CCDC60: variants seen among roughly 807,000 people sequenced by gnomAD.
CCDC60 encodes the protein coiled-coil domain containing 60, also known as coiled-coil domain-containing protein 60.
Under a neutral mutation model 63.5 loss-of-function variants are expected in CCDC60, and 54 were observed. That is an observed-to-expected ratio of 0.85 (90% CI 0.68 to 1.07). CCDC60 has a LOEUF of 1.07. CCDC60 is among the 50% of genes least tolerant of loss of function. The probability of loss-of-function intolerance (pLI) is 0.00; values close to 1 mark genes in which losing one functional copy is unlikely to be tolerated. For synonymous variants in CCDC60, 206 were observed against 238.8 expected, an observed-to-expected ratio of 0.86 and a Z score of 1.27; for missense variants, 651 against 684.3, an observed-to-expected ratio of 0.95 and a Z score of 0.54.
chr12:119,381,583 G>A (rs1391754671), intron 1 of CCDC60, among the ~76,000 whole-genome samples: 1 of 152,198 alleles, frequency 6.6e-6, no homozygotes, highest in Non-Finnish European at 1.5e-5. Context: ...AGTAATCACT[G>A]CTCCCTACTG....
chr12:119,480,075 A>G (rs17404345), intron 4 of CCDC60, among the ~76,000 whole-genome samples: 6,031 of 151,444 alleles, frequency 0.04, 162 homozygotes, highest in Non-Finnish European at 0.06. Context: ...CTTTAGGGCA[A>G]TGGATTCATT....
chr12:119,360,741 G>A (rs1313314014), intron 1 of CCDC60, among the ~76,000 whole-genome samples: 30 of 152,102 alleles, frequency 2.0e-4, no homozygotes, highest in African/African-American at 6.8e-4. Flanking sequence ...GATGGCAGCC[G>A]GGCAGAGGCT....
At chr12:119,523,894 G>A in intron 11 of CCDC60, 76 bp downstream of exon 11, 3 of 1,480,808 alleles carry the variant, frequency 2.0e-6, no homozygotes, top group Non-Finnish European at 2.8e-6. Context: ...GGTGCCAGGT[G>A]CTGGGGCTAT....
chr12:119,518,919 T>C (rs370747360), intron 8 of CCDC60, among the ~76,000 whole-genome samples: 1 of 152,190 alleles, frequency 6.6e-6, no homozygotes, highest in Non-Finnish European at 1.5e-5. Context: ...TCACATGGCC[T>C]CTGCTTTCAA....
At chr12:119,480,829 A>AT (rs1951295471) in intron 4 of CCDC60, among the ~76,000 whole-genome samples, 2 of 150,268 alleles carry the variant, frequency 1.3e-5, no homozygotes, top group African/African-American at 4.9e-5. Context: ...CACCATCATC[A>AT]CCACCATCAT....
At chr12:119,520,091 C>A (rs755414516) in intron 8 of CCDC60, 30 bp from the exon 9 acceptor site, 1 of 1,601,012 alleles carries the variant, frequency 6.2e-7, no homozygotes, top group Non-Finnish European at 8.5e-7. Context: ...GAATTCAGCG[C>A]CTTGTTAAAG....
At chr12:119,357,897 C>A (rs1377136757) in intron 1 of CCDC60, among the ~76,000 whole-genome samples, 5 of 152,234 alleles carry the variant, frequency 3.3e-5, no homozygotes, top group Admixed American at 6.5e-5. Context: ...GTGCAGGAAG[C>A]ATTATGCTGG....
At chr12:119,472,187 G>A in intron 3 of CCDC60, 23 bp downstream of exon 3, 1 of 1,609,736 alleles carries the variant, frequency 6.2e-7, no homozygotes, top group Non-Finnish European at 8.5e-7. Flanking sequence ...AGTAGCTGTG[G>A]CACTGAAGGT....
chr12:119,519,590 G>C (rs1284687531), intron 8 of CCDC60, among the ~76,000 whole-genome samples: 1 of 151,398 alleles, frequency 6.6e-6, no homozygotes, highest in Non-Finnish European at 1.5e-5. Flanking sequence ...AGCCTCCCGA[G>C]TAGGTGGGAT....
chr12:119,419,932 A>G (rs1327493774), intron 1 of CCDC60, among the ~76,000 whole-genome samples: 1 of 135,128 alleles, frequency 7.4e-6, no homozygotes, highest in African/African-American at 2.8e-5. Flanking sequence ...GCTGGAGTGC[A>G]GTGGCACGAT....
intron 1 of CCDC60, among the ~76,000 whole-genome samples, chr12:119,416,328 G>A (rs1475822752): frequency 1.3e-5 from 2 of 151,238 alleles, no homozygotes; most frequent in Admixed American, 6.6e-5. Context: ...ACAGTGAGCC[G>A]AGATCACACC....
intron 1 of CCDC60, among the ~76,000 whole-genome samples, chr12:119,406,198 TATATATAGAGAG>T (rs1956487525): frequency 7.2e-6 from 1 of 138,794 alleles, no homozygotes; most frequent in Non-Finnish European, 1.6e-5. Flanking sequence ...TATAGATATA[TATATATAGAGAG>T]AGAGAGAGAG....
At chr12:119,431,164 G>A (rs1477262982) in intron 2 of CCDC60, among the ~76,000 whole-genome samples, 1 of 152,212 alleles carries the variant, frequency 6.6e-6, no homozygotes, top group Non-Finnish European at 1.5e-5. Flanking sequence ...TATCAAGACA[G>A]GGGAATTGCA....
At chr12:119,389,854 C>G (rs75574670) in intron 1 of CCDC60, among the ~76,000 whole-genome samples, 123 of 152,156 alleles carry the variant, frequency 8.1e-4, no homozygotes, top group African/African-American at 2.9e-3. Context: ...CACACATTAC[C>G]ATTAGTGGCT....
At chr12:119,489,868 G>A (rs1951543725) in intron 5 of CCDC60, among the ~76,000 whole-genome samples, 1 of 151,676 alleles carries the variant, frequency 6.6e-6, no homozygotes, top group Non-Finnish European at 1.5e-5. Flanking sequence ...CGCAATCTCG[G>A]CTCACTGCAA....
chr12:119,531,417 TC>T (rs1293587925), intron 13 of CCDC60, among the ~76,000 whole-genome samples: 3 of 152,196 alleles, frequency 2.0e-5, no homozygotes, highest in African/African-American at 7.2e-5. Context: ...TTCAAGTCAA[TC>T]TGCCAACTCC....
intron 1 of CCDC60, among the ~76,000 whole-genome samples, chr12:119,424,127 C>A (rs991726379): frequency 6.6e-6 from 1 of 152,152 alleles, no homozygotes; most frequent in Non-Finnish European, 1.5e-5. Context: ...TTACTTCCAG[C>A]TTGTTATATT....
At chr12:119,435,960 C>A (rs1950316750) in intron 2 of CCDC60, among the ~76,000 whole-genome samples, 1 of 152,174 alleles carries the variant, frequency 6.6e-6, no homozygotes, top group Non-Finnish European at 1.5e-5. Flanking sequence ...TTGGGCAGAA[C>A]AACATGGTCT....
chr12:119,351,722 T>A (rs1408706982), intron 1 of CCDC60, among the ~76,000 whole-genome samples: 3 of 152,186 alleles, frequency 2.0e-5, no homozygotes, highest in Non-Finnish European at 2.9e-5. Flanking sequence ...TCCCAGTAAG[T>A]TCCTTGTTTC....
Sources: gnomAD v4.1 joint callset for allele counts (sites outside exome capture counted in the v4.1 genomes callset) on GRCh38, gnomAD v4.1.1 for gene constraint, MANE v1.5 for transcripts, NCBI Gene and HGNC (gene_info 2026-07-23, HGNC 2026-07-21) for gene names.